PCDH15: variants seen among roughly 807,000 people sequenced by gnomAD.
PCDH15 encodes protocadherin-15.
PCDH15 carries 129 observed loss-of-function variants against 178.5 expected under a neutral mutation model. The observed-to-expected ratio is 0.72, with a 90% CI of 0.63 to 0.84. The LOEUF (loss-of-function observed/expected upper bound fraction) is 0.84. PCDH15 is among the 40% of genes least tolerant of loss of function. The probability of loss-of-function intolerance (pLI) is 0.00; values close to 1 mark genes in which losing one functional copy is unlikely to be tolerated. For missense variants in PCDH15, 2,230 were observed against 2,099.9 expected (o/e 1.06, Z -1.21); for synonymous variants, 800 against 732.0 (o/e 1.09, Z -1.50).
rs1566221534 is a variant in PCDH15, at chr10:54,779,451, C to CA, written c.-29+21473_-29+21474insT. On this transcript the variant is annotated intron_variant, in intron 1 of 37. Transcript: ENST00000644397. ...ACACATATGTGTATATATATATACA[C>CA]TCATATATGTGTGTATATATATACA... Among the ~76,000 whole-genome samples, 18 of 103,718 alleles carry CA rather than the reference C, an allele frequency of 1.7e-4. 1 individual carries two copies. Among genetic ancestry groups the CA allele is most frequent in the Admixed American group, 3.0e-4 (3 of 10,052 alleles). 68.0% of individuals were successfully genotyped at this position (103,718 alleles called of 152,430 possible).
rs569838750 is a variant in PCDH15 at position 55,417,848 on chromosome 10, T to C, written c.-156+209777A>G. On this transcript the variant is annotated intron_variant, in intron 2 of 5. Coordinates refer to the PCDH15 transcript ENST00000613346. The stretch of plus-strand genomic sequence containing the variant: ...AAGAGAAGATTTAGGATTAGAGTTG[T>C]ACTTCATGTTTAAATGCATCTTATT... 1.3e-3 allele frequency among the ~76,000 whole-genome samples: 197 copies of C among 151,610 alleles called. 3 individuals are homozygous for C. Among genetic ancestry groups the C allele is most frequent in the African/African-American group, 4.7e-3 (196 of 41,458 alleles).
intron 3 of PCDH15, among the ~76,000 whole-genome samples, chr10:54,890,504 A>AT (rs979048330): frequency 1.6e-4 from 25 of 152,156 alleles, no homozygotes; most frequent in African/African-American, 5.8e-4. Flanking sequence ...ACTATGTGAG[A>AT]TTTTTGCTGG....
intron 18 of PCDH15, among the ~76,000 whole-genome samples, chr10:54,028,688 A>C (rs901557070): frequency 6.7e-6 from 1 of 149,942 alleles, no homozygotes; most frequent in Admixed American, 6.7e-5. Flanking sequence ...TATCGCAAGA[A>C]CAAAAAACCA....
chr10:54,467,510 G>A (rs1565350819), intron 3 of PCDH15, among the ~76,000 whole-genome samples: 1 of 150,348 alleles, frequency 6.7e-6, no homozygotes, highest in African/African-American at 2.4e-5. Flanking sequence ...ATTTGATTAT[G>A]GTGCATTATC....
chr10:54,960,426 A>C (rs920810718), intron 2 of PCDH15, among the ~76,000 whole-genome samples: 3 of 152,174 alleles, frequency 2.0e-5, no homozygotes, highest in Non-Finnish European at 4.4e-5. Flanking sequence ...CCCTTCATTG[A>C]GGTGGGCAGT....
chr10:54,576,220 G>A (rs2090467368), intron 2 of PCDH15, among the ~76,000 whole-genome samples: 1 of 152,104 alleles, frequency 6.6e-6, no homozygotes, highest in Admixed American at 6.6e-5. Flanking sequence ...TCCAAGTAAA[G>A]TTCCATATCA....
At chr10:54,731,563 T>TATATATATATATACACACACAC in intron 1 of PCDH15, among the ~76,000 whole-genome samples, 1 of 49,882 alleles carries the variant, frequency 2.0e-5, no homozygotes, top group African/African-American at 6.5e-5. Flanking sequence ...TATATATATA[T>TATATATATATATACACACACAC]ACACACACAC....
intron 2 of PCDH15, among the ~76,000 whole-genome samples, chr10:55,063,281 C>T (rs566216248): frequency 6.6e-6 from 1 of 152,126 alleles, no homozygotes; most frequent in Non-Finnish European, 1.5e-5. Flanking sequence ...TTTCTCTTAG[C>T]CAGTAAAATT....
At chr10:54,096,496 C>T (rs2094702184) in intron 15 of PCDH15, among the ~76,000 whole-genome samples, 1 of 151,944 alleles carries the variant, frequency 6.6e-6, no homozygotes, top group African/African-American at 2.4e-5. Context: ...CAACTTAATC[C>T]AATATCAAAG....
intron 9 of PCDH15, among the ~76,000 whole-genome samples, chr10:54,215,535 T>C (rs1382142607): frequency 1.3e-5 from 2 of 152,094 alleles, no homozygotes; most frequent in Non-Finnish European, 2.9e-5. Context: ...GAAGAAGATA[T>C]TCATAATAAT....
At chr10:54,395,363 TAA>T (rs1328027054) in intron 3 of PCDH15, among the ~76,000 whole-genome samples, 4 of 130,968 alleles carry the variant, frequency 3.1e-5, no homozygotes, top group Non-Finnish European at 3.4e-5. Context: ...CAACATAAAA[TAA>T]AAAAAAAAAA....
At chr10:54,789,508 G>T (rs1460303965) in intron 1 of PCDH15, among the ~76,000 whole-genome samples, 2 of 151,870 alleles carry the variant, frequency 1.3e-5, no homozygotes, top group African/African-American at 4.8e-5. Context: ...TCACTGACAA[G>T]CAATTAACAT....
At chr10:54,286,735 T>A (rs2132869299) in intron 8 of PCDH15, among the ~76,000 whole-genome samples, 1 of 152,276 alleles carries the variant, frequency 6.6e-6, no homozygotes, top group South Asian at 2.1e-4. Context: ...AAGCAATTCT[T>A]CCTGCCTCAG....
chr10:54,860,010 T>C (rs1215946135), intron 3 of PCDH15, among the ~76,000 whole-genome samples: 2 of 152,042 alleles, frequency 1.3e-5, no homozygotes, highest in East Asian at 3.9e-4. Flanking sequence ...ACTCCAGCTA[T>C]GATCTGGTCA....
intron 2 of PCDH15, among the ~76,000 whole-genome samples, chr10:54,897,950 C>A (rs967808647): frequency 1.3e-5 from 2 of 152,106 alleles, no homozygotes; most frequent in African/African-American, 4.8e-5. Context: ...ATCCTTCTTT[C>A]TGTATAATAT....
chr10:54,029,223 C>T (rs1205730322), intron 18 of PCDH15, among the ~76,000 whole-genome samples: 3 of 152,094 alleles, frequency 2.0e-5, no homozygotes, highest in Non-Finnish European at 4.4e-5. Flanking sequence ...ATCAGCAGTA[C>T]TGTCAAGAAC....
chr10:54,080,018 T>TTA (rs1421402690), intron 16 of PCDH15, among the ~76,000 whole-genome samples: 1 of 152,094 alleles, frequency 6.6e-6, no homozygotes, highest in East Asian at 1.9e-4. Context: ...TTGTACTTTA[T>TTA]TATAACCACA....
chr10:53,951,123 T>C (rs1236686397), intron 23 of PCDH15, among the ~76,000 whole-genome samples: 1 of 152,186 alleles, frequency 6.6e-6, no homozygotes, highest in Admixed American at 6.5e-5. Context: ...GAAAAGAATT[T>C]TTATGAATAA....
intron 37 of PCDH15, chr10:53,809,087 C>A (rs776201814): frequency 1.9e-6 from 3 of 1,613,760 alleles, no homozygotes; most frequent in Non-Finnish European, 2.5e-6. Flanking sequence ...TTTTTCCTTG[C>A]TTTTTCTCCT....
Sources: allele counts gnomAD v4.1 joint callset (sites outside exome capture counted in the v4.1 genomes callset), GRCh38; gene constraint gnomAD v4.1.1; transcripts MANE v1.5; gene names NCBI Gene and HGNC (gene_info 2026-07-23, HGNC 2026-07-21).